Variants in RPS6KB1 observed in about 807,000 individuals in gnomAD.
The protein encoded by RPS6KB1 is ribosomal protein S6 kinase beta-1.
RPS6KB1 carries 12 observed loss-of-function variants against 70.2 expected under a neutral mutation model. The ratio of observed to expected loss-of-function variants is 0.17; its 90% CI spans 0.11 to 0.28. RPS6KB1 has a LOEUF of 0.28. Ranked by LOEUF, RPS6KB1 falls within the 10% of genes least tolerant of loss-of-function variation. The probability of loss-of-function intolerance (pLI) is 1.00; values close to 1 mark genes in which losing one functional copy is unlikely to be tolerated. For missense variants in RPS6KB1, 270 were observed against 646.6 expected (o/e 0.42, Z 6.32); for synonymous variants, 175 against 211.2 (o/e 0.83, Z 1.49).
rs1185399293 is a variant in RPS6KB1, at chr17:59,949,246, A to AAC, written c.*2460_*2461dup. ...TGGATATCCCTACTATGACTGTGAA[A>AAC]ACATGTCAAGTGTCACATTAGTGTC... On this transcript the variant is annotated 3_prime_UTR_variant, in exon 15 of 15. Coordinates refer to ENST00000225577, the MANE Select transcript of RPS6KB1 (RefSeq NM_003161.4). The AAC allele has an allele frequency of 6.6e-6, 1 of 152,630 alleles. No individual in the cohort carries two copies. Among genetic ancestry groups the AAC allele is most frequent in the Admixed American group, 6.5e-5 (1 of 15,268 alleles). 9.5% of individuals were successfully genotyped at this position (152,630 alleles called of 1,614,324 possible).
chr17:59,926,784 C>T (rs796852224), intron 5 of RPS6KB1, among the ~76,000 whole-genome samples: 2 of 151,982 alleles, frequency 1.3e-5, no homozygotes, highest in African/African-American at 4.8e-5. Context: ...ATTTTTTTCC[C>T]TCATCTGTAA....
At chr17:59,921,846 T>C (rs2043281394) in intron 4 of RPS6KB1, among the ~76,000 whole-genome samples, 2 of 152,172 alleles carry the variant, frequency 1.3e-5, no homozygotes, top group Admixed American at 1.3e-4. Context: ...CTCTGAAATA[T>C]TGCGGTTTCA....
At chr17:59,924,496 AT>A (rs1233073197) in intron 4 of RPS6KB1, among the ~76,000 whole-genome samples, 1 of 152,040 alleles carries the variant, frequency 6.6e-6, no homozygotes, top group Non-Finnish European at 1.5e-5. Flanking sequence ...TTAAACATTA[AT>A]ATGGTTCAAA....
intron 4 of RPS6KB1, among the ~76,000 whole-genome samples, chr17:59,921,518 T>A (rs775908054): frequency 1.3e-5 from 2 of 152,154 alleles, no homozygotes; most frequent in Non-Finnish European, 2.9e-5. Context: ...GACCTGAGTG[T>A]GTGGTAAGTG....
rs1384895112 is a variant in RPS6KB1, at chr17:59,935,305, G to A, written c.978+5G>A. ...GCCAGAGATCTGCTTAAAAAGGTAA[G>A]GTTCTTAAATGGTCACTGACACTAC... On this transcript the variant is annotated splice_donor_5th_base_variant and intron_variant, in intron 10 of 14. Coordinates refer to ENST00000225577, the MANE Select transcript of RPS6KB1 (RefSeq NM_003161.4). The A allele has an allele frequency of 2.0e-6, 3 of 1,521,052 alleles. No individual in the cohort carries two copies. In the African/African-American group the frequency reaches 4.1e-5, roughly 21 times the overall value. 94.2% of individuals were successfully genotyped at this position (1,521,052 alleles called of 1,614,324 possible).
chr17:59,932,593 C>T (rs1466544758), intron 7 of RPS6KB1, among the ~76,000 whole-genome samples: 2 of 140,086 alleles, frequency 1.4e-5, no homozygotes, highest in Non-Finnish European at 3.0e-5. Flanking sequence ...ACTCTGTCAT[C>T]CAGGCTAGAG....
At chr17:59,901,429 G>A (rs1425273347) in intron 1 of RPS6KB1, among the ~76,000 whole-genome samples, 1 of 150,462 alleles carries the variant, frequency 6.6e-6, no homozygotes, top group Non-Finnish European at 1.5e-5. Context: ...GATTACAGGC[G>A]TGAGCCACCG....
rs368914627 is a variant in RPS6KB1, at chr17:59,937,353, A to G, written c.1119+812A>G. Among the ~76,000 whole-genome samples, 7 of 152,204 alleles carry G rather than the reference A, an allele frequency of 4.6e-5. No homozygotes were observed. In the East Asian group the frequency reaches 1.3e-3, roughly 29 times the overall value. ...TCTCTGGGAATTTTTTCTTCAAAGT[A>G]TAGAATATGTGTGCATTCGTTTGCT... On this transcript the variant is annotated intron_variant, in intron 12 of 14. Coordinates refer to ENST00000225577, the MANE Select transcript of RPS6KB1 (RefSeq NM_003161.4).
intron 12 of RPS6KB1, among the ~76,000 whole-genome samples, chr17:59,939,888 C>T (rs2044475493): frequency 6.6e-6 from 1 of 152,014 alleles, no homozygotes; most frequent in Admixed American, 6.6e-5. Context: ...CTACATTTGG[C>T]CCAAGAGTCT....
Position 59,935,219 on chromosome 17 carries a change from G to C in RPS6KB1, c.897G>C (p.Lys299Asn). 1 of 1,611,966 alleles carries C rather than the reference G, an allele frequency of 6.2e-7. No individual in the cohort carries two copies. Among genetic ancestry groups the C allele is most frequent in the Non-Finnish European group, 8.5e-7 (1 of 1,178,426 alleles). ...CCCCATTCACTGGGGAGAATAGAAA[G>C]AAAACAATTGACAAAATCCTCAAAT... The part of the protein sequence containing the change: ...GAPPFTGENR[K>N]KTIDKILKCK... Residue 299 changes from lysine to asparagine, a missense_variant, in exon 10 of 15, where the codon AAG becomes AAC. Lys to Asn is a moderately conservative substitution (Grantham distance 94). This residue lies in a region of RPS6KB1 where 133 missense variants were observed against 314.7 expected (regional missense o/e 0.42). Transcript: ENST00000225577.
chr17:59,945,562 C>T, intron 14 of RPS6KB1, 44 bp downstream of exon 14: 1 of 1,026,926 alleles, frequency 9.7e-7, no homozygotes. Context: ...TTTTAAACAA[C>T]CTACAAGAGT....
intron 1 of RPS6KB1, among the ~76,000 whole-genome samples, chr17:59,895,556 C>G (rs2041498250): frequency 6.6e-6 from 1 of 150,730 alleles, no homozygotes. Context: ...CATCTGACCT[C>G]AGGTGATCAC....
intron 4 of RPS6KB1, among the ~76,000 whole-genome samples, chr17:59,915,835 G>A (rs186402032): frequency 1.5e-4 from 20 of 135,662 alleles, no homozygotes; most frequent in African/African-American, 5.9e-4. Context: ...GCCCAGGCTG[G>A]AGTGCAGTGG....
At chr17:59,894,560 C>T (rs773603240) in intron 1 of RPS6KB1, among the ~76,000 whole-genome samples, 1 of 152,272 alleles carries the variant, frequency 6.6e-6, no homozygotes, top group Non-Finnish European at 1.5e-5. Context: ...ATTTTGAACA[C>T]TTTAAGAAAC....
At chr17:59,926,413 T>C (rs978075271) in intron 4 of RPS6KB1, 22 bp from the exon 5 acceptor site, 2 of 1,535,636 alleles carry the variant, frequency 1.3e-6, no homozygotes, top group Non-Finnish European at 1.8e-6. Context: ...TTTGTTCTTA[T>C]AGATGATCTC....
chr17:59,947,859 C>CTAA lies in RPS6KB1; in HGVS notation c.*1073_*1075dup, dbSNP rs1393687920. On this transcript the variant is annotated 3_prime_UTR_variant, in exon 15 of 15. Transcript: ENST00000225577. The stretch of plus-strand genomic sequence containing the variant: ...GGTGTTGCTGTGGCCCACTCTCTGT[C>CTAA]TAATCTCTTTACAGCAAATTGGTAA... 3 of 411,760 alleles carry CTAA rather than the reference C, an allele frequency of 7.3e-6. No homozygotes were observed. The highest frequency in any genetic ancestry group is 4.4e-5 in the Admixed American group (1 of 22,808). 25.5% of individuals were successfully genotyped at this position (411,760 alleles called of 1,614,324 possible).
chr17:59,939,009 T>C (rs2044422482), intron 12 of RPS6KB1, among the ~76,000 whole-genome samples: 1 of 152,192 alleles, frequency 6.6e-6, no homozygotes, highest in Admixed American at 6.5e-5. Flanking sequence ...TTCTAACTGT[T>C]ATTTCTTCTT....
chr17:59,940,479 G>T (rs1206986809), intron 12 of RPS6KB1, among the ~76,000 whole-genome samples: 5 of 151,448 alleles, frequency 3.3e-5, no homozygotes, highest in African/African-American at 7.3e-5. Flanking sequence ...GTAGAGATGG[G>T]GTTTCACTAT....
At chr17:59,943,265 A>T (rs1302870242) in intron 13 of RPS6KB1, among the ~76,000 whole-genome samples, 1 of 152,148 alleles carries the variant, frequency 6.6e-6, no homozygotes, top group African/African-American at 2.4e-5. Context: ...GAATCACTTT[A>T]ATTTTGGCAT....
Sources: allele counts gnomAD v4.1 joint callset (sites outside exome capture counted in the v4.1 genomes callset), GRCh38; gene constraint gnomAD v4.1.1; regional missense constraint gnomAD v4.1.1; transcripts MANE v1.5; gene names NCBI Gene and HGNC (gene_info 2026-07-23, HGNC 2026-07-21).